ACTA2: variants seen among roughly 807,000 people sequenced by gnomAD.
ACTA2 encodes the protein actin alpha 2, smooth muscle.
Under a neutral mutation model 39.5 loss-of-function variants are expected in ACTA2, and 12 were observed. That is an observed-to-expected ratio of 0.30 (90% CI 0.19 to 0.49). The LOEUF (loss-of-function observed/expected upper bound fraction) is 0.49. Among genes scored for constraint, ACTA2 ranks in the 20% least tolerant of loss-of-function variants. The pLI is 0.99. For missense variants in ACTA2, 236 were observed against 498.8 expected, an observed-to-expected ratio of 0.47 and a Z score of 5.02; for synonymous variants, 158 against 180.6, an observed-to-expected ratio of 0.88 and a Z score of 1.00.
At chr10:88,976,319 A>G (rs1415391400) in intron 1 of ACTA2, among the ~76,000 whole-genome samples, 1 of 152,230 alleles carries the variant, frequency 6.6e-6, no homozygotes, top group Non-Finnish European at 1.5e-5. Context: ...GGGTTGGACA[A>G]GGTTGGTATA....
chr10:88,983,336 G>T (rs1425899448), intron 1 of ACTA2, among the ~76,000 whole-genome samples: 5 of 152,104 alleles, frequency 3.3e-5, no homozygotes, highest in Non-Finnish European at 2.9e-5. Context: ...TATGACAAGA[G>T]TATGGTTTTA....
chr10:88,938,224 A>G lies in ACTA2; in HGVS notation c.827T>C (p.Ile276Thr), dbSNP rs770709635. The change falls in exon 8 of 9, where the codon ATC becomes ACC. Residue 276 changes from isoleucine (I) to threonine (T), a missense_variant. By Grantham distance (89) the Ile-to-Thr change is moderately conservative (BLOSUM62 -1). Transcript: ENST00000224784. The part of the protein sequence containing the change: ...PSFIGMESAG[I>T]HETTYNSIMK... ...GATGCTGTTGTAGGTGGTTTCATGG[A>G]TGCCAGCAGACTCCATCCCTGGAAA... The G allele has an allele frequency of 1.2e-6, 2 of 1,614,014 alleles. No individual in the cohort carries two copies. Among genetic ancestry groups the G allele is most frequent in the Non-Finnish European group, 1.7e-6 (2 of 1,179,922 alleles).
chr10:88,951,357 A>G (rs1846046111), intron 1 of ACTA2, among the ~76,000 whole-genome samples: 1 of 152,118 alleles, frequency 6.6e-6, no homozygotes, highest in Non-Finnish European at 1.5e-5. Flanking sequence ...ATGGGAAGGT[A>G]TGGTTACCAT....
chr10:88,960,478 G>A (rs1346591356), intron 1 of ACTA2, among the ~76,000 whole-genome samples: 1 of 152,086 alleles, frequency 6.6e-6, no homozygotes, highest in African/African-American at 2.4e-5. Context: ...CGAGTGTTTT[G>A]GAGTTGGAAT....
intron 1 of ACTA2, among the ~76,000 whole-genome samples, chr10:88,988,088 C>T (rs980357641): frequency 6.6e-6 from 1 of 152,184 alleles, no homozygotes; most frequent in Non-Finnish European, 1.5e-5. Flanking sequence ...CCTCTACAAT[C>T]ACGTGAGCCA....
intron 1 of ACTA2, among the ~76,000 whole-genome samples, chr10:88,981,310 G>T (rs1846704900): frequency 6.6e-6 from 1 of 152,116 alleles, no homozygotes; most frequent in Admixed American, 6.5e-5. Context: ...TGTGCATAAA[G>T]CACTTTTCCT....
chr10:88,953,644 C>A (rs1446228734), upstream of ACTA2, among the ~76,000 whole-genome samples: 1 of 152,110 alleles, frequency 6.6e-6, no homozygotes, highest in Non-Finnish European at 1.5e-5. Context: ...GTTCTACGTC[C>A]CCACCCAAAT....
chr10:88,970,695 A>C (rs1353732087), intron 1 of ACTA2, among the ~76,000 whole-genome samples: 1 of 152,160 alleles, frequency 6.6e-6, no homozygotes, highest in Non-Finnish European at 1.5e-5. Flanking sequence ...CAGGAAGAGG[A>C]ACATCACACA....
At chr10:88,973,634 C>G (rs932949471) in intron 1 of ACTA2, 1 of 201,186 alleles carries the variant, frequency 5.0e-6, no homozygotes, top group African/African-American at 2.3e-5. Flanking sequence ...TTAAGCTGAA[C>G]TAACCTCAAA....
chr10:88,948,900 C>T lies in ACTA2; in HGVS notation c.31G>A (p.Val11Met). The T allele has an allele frequency of 6.2e-7, 1 of 1,613,900 alleles. No homozygotes were observed. Among genetic ancestry groups the T allele is most frequent in the South Asian group, 1.1e-5 (1 of 91,082 alleles). Residue 11 changes from valine to methionine, a missense_variant, in exon 2 of 9, where the codon GTG becomes ATG. Physicochemically the swap from Val to Met is conservative, Grantham distance 21. Transcript: ENST00000224784. ...CAGAGCCCAGAGCCATTGTCACACA[C>T]CAAGGCAGTGCTGTCCTCTTCTTCA... MCEEEDSTAL[V>M]CDNGSGLCKA...
upstream of ACTA2, among the ~76,000 whole-genome samples, chr10:88,956,460 C>T (rs1846140483): frequency 6.6e-6 from 1 of 152,150 alleles, no homozygotes; most frequent in Non-Finnish European, 1.5e-5. Flanking sequence ...ATATTGGGCT[C>T]TAATGGATAA....
chr10:88,981,124 C>T (rs576507671), intron 1 of ACTA2, among the ~76,000 whole-genome samples: 49 of 152,290 alleles, frequency 3.2e-4, no homozygotes, highest in African/African-American at 1.1e-3. Flanking sequence ...CAAGAGAGAG[C>T]GGGGCCAGTC....
intron 1 of ACTA2, among the ~76,000 whole-genome samples, chr10:88,961,358 AT>A (rs1846223648): frequency 6.6e-6 from 1 of 152,204 alleles, no homozygotes. Flanking sequence ...TTTGTGTACT[AT>A]GTAGAAAATG....
intron 1 of ACTA2, chr10:88,973,360 T>C (rs1246607127): frequency 8.2e-6 from 12 of 1,466,394 alleles, no homozygotes; most frequent in Non-Finnish European, 1.1e-5. Flanking sequence ...AATCCAAGAA[T>C]TGCCAGGCGA....
At chr10:88,969,374 C>T (rs1028209073) in intron 1 of ACTA2, among the ~76,000 whole-genome samples, 2 of 152,228 alleles carry the variant, frequency 1.3e-5, no homozygotes, top group African/African-American at 4.8e-5. Context: ...TGTGCCCAAA[C>T]TCATGCTTGT....
intron 7 of ACTA2, among the ~76,000 whole-genome samples, chr10:88,938,776 C>T (rs948389081): frequency 2.6e-5 from 4 of 152,184 alleles, no homozygotes; most frequent in Non-Finnish European, 4.4e-5. Flanking sequence ...TAATTTCTGA[C>T]GCAGGTGTTT....
chr10:88,974,828 G>A (rs1235784178), intron 1 of ACTA2: 4 of 152,156 alleles, frequency 2.6e-5, no homozygotes, highest in African/African-American at 9.7e-5. Context: ...TATGTGGAAC[G>A]TGGCCCTGCA....
chr10:88,948,844 G>C lies in ACTA2; in HGVS notation c.87C>G (p.Pro29=). The change falls in exon 2 of 9, where the codon CCC becomes CCG. Residue 29 remains proline, a synonymous_variant. Coordinates refer to ENST00000224784, the MANE Select transcript of ACTA2 (RefSeq NM_001613.4). ...CCACAATGGATGGGAAAACAGCCCT[G>C]GGAGCATCGTCCCCAGCAAAGCCGG... The part of the protein sequence containing the change: ...CKAGFAGDDA[P]RAVFPSIVGR... 1 of 1,613,934 alleles carries C rather than the reference G, an allele frequency of 6.2e-7. No individual in the cohort carries two copies. The highest frequency in any genetic ancestry group is 8.5e-7 in the Non-Finnish European group (1 of 1,179,900).
chr10:88,973,499 T>C (rs1388959597), intron 1 of ACTA2: 2 of 640,124 alleles, frequency 3.1e-6, no homozygotes, highest in Non-Finnish European at 4.6e-6. Context: ...CAAGTACTCA[T>C]GGATGTGAGG....
Sources: gnomAD v4.1 joint callset for allele counts (sites outside exome capture counted in the v4.1 genomes callset) on GRCh38, gnomAD v4.1.1 for gene constraint, MANE v1.5 for transcripts, NCBI Gene and HGNC (gene_info 2026-07-23, HGNC 2026-07-21) for gene names.